Variants in CCSER1 observed in about 807,000 individuals in gnomAD.
The protein encoded by CCSER1 is coiled-coil serine rich protein 1.
Under a neutral mutation model 82.0 loss-of-function variants are expected in CCSER1, and 41 were observed. That is an observed-to-expected ratio of 0.50 (90% CI 0.39 to 0.65). The LOEUF (loss-of-function observed/expected upper bound fraction) is 0.65, where lower values mean the gene tolerates loss of function less well. CCSER1 is among the 30% of genes least tolerant of loss of function. The pLI is 0.00. For missense variants in CCSER1, 1,119 were observed against 1,064.2 expected (o/e 1.05, Z -0.72); for synonymous variants, 414 against 383.9 (o/e 1.08, Z -0.92).
intron 8 of CCSER1, chr4:90,839,149 C>A: frequency 1.3e-6 from 1 of 796,174 alleles, no homozygotes; most frequent in Non-Finnish European, 2.1e-6. Context: ...TGCATTTCTT[C>A]TATATTGCTA....
chr4:91,587,169 G>C (rs1578861824), intron 10 of CCSER1, among the ~76,000 whole-genome samples: 1 of 151,604 alleles, frequency 6.6e-6, no homozygotes, highest in Non-Finnish European at 1.5e-5. Flanking sequence ...AATTCATTTG[G>C]TACCTATGTT....
intron 6 of CCSER1, among the ~76,000 whole-genome samples, chr4:90,666,460 C>T (rs988430171): frequency 6.6e-6 from 1 of 151,938 alleles, no homozygotes; most frequent in Admixed American, 6.6e-5. Flanking sequence ...CATTAATCAG[C>T]CAAAAATGGT....
intron 9 of CCSER1, among the ~76,000 whole-genome samples, chr4:91,038,905 A>G (rs912804927): frequency 6.6e-6 from 1 of 152,218 alleles, no homozygotes; most frequent in African/African-American, 2.4e-5. Context: ...GAACTGGCCA[A>G]AAGGCAACCC....
At chr4:90,988,546 C>G (rs954713000) in intron 9 of CCSER1, among the ~76,000 whole-genome samples, 5 of 151,510 alleles carry the variant, frequency 3.3e-5, no homozygotes. Flanking sequence ...TGCTAATCAT[C>G]ATGTTTTTAT....
At chr4:90,782,029 C>A in intron 7 of CCSER1, 1 of 781,110 alleles carries the variant, frequency 1.3e-6, no homozygotes, top group Non-Finnish European at 1.6e-6. Context: ...AGATTTAGTA[C>A]TGTGAAAGGC....
chr4:90,201,784 C>T (rs1272417153), intron 1 of CCSER1, among the ~76,000 whole-genome samples: 1 of 151,942 alleles, frequency 6.6e-6, no homozygotes, highest in Non-Finnish European at 1.5e-5. Flanking sequence ...TGTTCTGGGT[C>T]ATGAAAGTTG....
chr4:90,568,881 C>T (rs1223867075), intron 5 of CCSER1, among the ~76,000 whole-genome samples: 2 of 151,814 alleles, frequency 1.3e-5, no homozygotes, highest in Non-Finnish European at 2.9e-5. Context: ...AATTCTCCTG[C>T]CTCAGCCTCC....
intron 10 of CCSER1, among the ~76,000 whole-genome samples, chr4:91,177,243 G>T (rs907270485): frequency 5.3e-5 from 8 of 152,178 alleles, no homozygotes; most frequent in African/African-American, 1.9e-4. Flanking sequence ...GAGGAATTTT[G>T]CATTGATGTT....
rs767512169 is a variant in CCSER1, at chr4:90,138,348, C to T, written c.-42+10517C>T. On this transcript the variant is annotated intron_variant, in intron 1 of 10. Coordinates refer to ENST00000509176, the MANE Select transcript of CCSER1 (RefSeq NM_001145065.2). ...CTGGGATTACAGGTGCGCCCCACTACGCCCAACTAAGAATGACATGAATTT... is the reference window on the plus strand; with the variant it reads ...CTGGGATTACAGGTGCGCCCCACTATGCCCAACTAAGAATGACATGAATTT... Among the ~76,000 whole-genome samples, 10 of 152,254 alleles carry T rather than the reference C, an allele frequency of 6.6e-5. No homozygotes were observed. In the East Asian group the frequency reaches 9.7e-4, roughly 15 times the overall value.
chr4:91,027,239 C>G (rs900013028), intron 9 of CCSER1, among the ~76,000 whole-genome samples: 1 of 151,938 alleles, frequency 6.6e-6, no homozygotes, highest in Admixed American at 6.6e-5. Context: ...TGGTTGTCTA[C>G]AATTCTAATT....
intron 10 of CCSER1, among the ~76,000 whole-genome samples, chr4:91,159,978 A>C (rs913667022): frequency 1.3e-5 from 2 of 151,890 alleles, no homozygotes; most frequent in Non-Finnish European, 2.9e-5. Context: ...TACATGTGCC[A>C]TGTTGGTTTG....
chr4:90,940,799 AAG>A (rs1181465630), intron 9 of CCSER1, among the ~76,000 whole-genome samples: 1 of 152,150 alleles, frequency 6.6e-6, no homozygotes, highest in African/African-American at 2.4e-5. Flanking sequence ...CTAAAATTTG[AAG>A]AAGTCGAGTA....
chr4:90,688,433 A>T (rs1735218064), intron 6 of CCSER1, among the ~76,000 whole-genome samples: 1 of 152,070 alleles, frequency 6.6e-6, no homozygotes, highest in Non-Finnish European at 1.5e-5. Flanking sequence ...TATGTTACAA[A>T]TATTCTTTTA....
At chr4:91,370,689 C>G (rs981097498) in intron 10 of CCSER1, among the ~76,000 whole-genome samples, 21 of 150,104 alleles carry the variant, frequency 1.4e-4, no homozygotes, top group Non-Finnish European at 2.1e-4. Flanking sequence ...GAATGAGACT[C>G]TGTCTCAAAA....
intron 10 of CCSER1, among the ~76,000 whole-genome samples, chr4:91,097,064 A>C (rs1473419732): frequency 6.6e-6 from 1 of 152,136 alleles, no homozygotes; most frequent in African/African-American, 2.4e-5. Flanking sequence ...GGTCCTTCCC[A>C]GTGTCCAGCC....
At chr4:90,943,729 A>ATTTTTTTTTTTTTTTTTTTTTTTTTT (rs70965460) in intron 9 of CCSER1, among the ~76,000 whole-genome samples, 4 of 68,852 alleles carry the variant, frequency 5.8e-5, no homozygotes, top group East Asian at 1.0e-3. Context: ...TGCCAGGCTA[A>ATTTTTTTTTTTTTTTTTTTTTTTTTT]TTTTTTTTTT....
At chr4:90,227,308 T>A (rs1743355491) in intron 1 of CCSER1, among the ~76,000 whole-genome samples, 1 of 152,266 alleles carries the variant, frequency 6.6e-6, no homozygotes, top group Non-Finnish European at 1.5e-5. Context: ...CTGCATGAGA[T>A]GCCTTTTGAA....
rs1746765187 is a variant in CCSER1 at position 91,329,039 on chromosome 4, TGTCA to T, written c.2217+243050_2217+243053del. On this transcript the variant is annotated intron_variant, in intron 10 of 10. Coordinates refer to ENST00000509176, the MANE Select transcript of CCSER1 (RefSeq NM_001145065.2). The stretch of plus-strand genomic sequence containing the variant: ...TGAGGCCTCCTCAGCCATGTGGAGA[TGTCA>T]GTCAATTAAACCTCTTTCCTTTATA... Among the ~76,000 whole-genome samples the T allele has an allele frequency of 2.0e-5, 3 of 152,296 alleles. No homozygotes were observed. In the South Asian group the frequency reaches 6.2e-4, roughly 32 times the overall value.
At chr4:90,246,761 G>C (rs1201602549) in intron 1 of CCSER1, among the ~76,000 whole-genome samples, 1 of 151,970 alleles carries the variant, frequency 6.6e-6, no homozygotes, top group Non-Finnish European at 1.5e-5. Flanking sequence ...TAATAAAATA[G>C]AACAATTATA....
Sources: gnomAD v4.1 joint callset for allele counts (sites outside exome capture counted in the v4.1 genomes callset) on GRCh38, gnomAD v4.1.1 for gene constraint, MANE v1.5 for transcripts, NCBI Gene and HGNC (gene_info 2026-07-23, HGNC 2026-07-21) for gene names.